LINGO2: variants seen among roughly 807,000 people sequenced by gnomAD.
LINGO2 encodes the protein leucine-rich repeat and immunoglobulin-like domain-containing nogo receptor-interacting protein 2.
LINGO2 carries 14 observed loss-of-function variants against 30.6 expected under a neutral mutation model. The observed-to-expected ratio is 0.46, with a 90% CI of 0.30 to 0.72. The LOEUF is 0.72. LINGO2 is among the 30% of genes least tolerant of loss of function. The probability of loss-of-function intolerance (pLI) is 0.07; values close to 1 mark genes in which losing one functional copy is unlikely to be tolerated. For missense variants in LINGO2, 729 were observed against 751.7 expected (o/e 0.97, Z 0.35); for synonymous variants, 317 against 288.5 (o/e 1.10, Z -1.00).
intron 3 of LINGO2, among the ~76,000 whole-genome samples, chr9:28,296,262 T>C (rs377356932): frequency 1.3e-5 from 2 of 152,326 alleles, no homozygotes; most frequent in South Asian, 2.1e-4. Flanking sequence ...ATCAGGATGA[T>C]ATTAATGAAC....
At chr9:29,080,655 A>G in the LINGO2 span, among the ~76,000 whole-genome samples, 3 of 151,970 alleles carry the variant, frequency 2.0e-5, no homozygotes, top group African/African-American at 4.8e-5. Flanking sequence ...CTTTGGTCTC[A>G]TTGGTTTCAA....
intron 2 of LINGO2, among the ~76,000 whole-genome samples, chr9:28,374,281 C>A (rs1821034759): frequency 6.6e-6 from 1 of 150,470 alleles, no homozygotes; most frequent in Admixed American, 6.6e-5. Flanking sequence ...AGCTATCAGA[C>A]ACTTAAAGTA....
At chr9:28,445,489 T>C (rs1218471677) in intron 2 of LINGO2, among the ~76,000 whole-genome samples, 3 of 152,230 alleles carry the variant, frequency 2.0e-5, no homozygotes, top group Admixed American at 6.5e-5. Flanking sequence ...GAAATAGCTA[T>C]GTACACAGTA....
chr9:27,958,940 C>T (rs28804391), intron 5 of LINGO2, among the ~76,000 whole-genome samples: 23,986 of 152,122 alleles, frequency 0.16, 4,515 homozygotes, highest in African/African-American at 0.44. Context: ...TGTTTGAATG[C>T]TGTAAAATAC....
At chr9:28,935,179 AAG>A in the LINGO2 span, among the ~76,000 whole-genome samples, 12 of 152,188 alleles carry the variant, frequency 7.9e-5, no homozygotes, top group Non-Finnish European at 1.6e-4. Flanking sequence ...ACAATAAAAA[AAG>A]AGACTAACAG....
chr9:28,590,430 A>G (rs141258164), intron 1 of LINGO2, among the ~76,000 whole-genome samples: 1,717 of 152,262 alleles, frequency 0.011, 14 homozygotes, highest in Middle Eastern at 0.02. Flanking sequence ...AATATCCAGA[A>G]TCTACAATGA....
intron 1 of LINGO2, among the ~76,000 whole-genome samples, chr9:28,599,747 C>T (rs775171427): frequency 6.6e-6 from 1 of 152,050 alleles, no homozygotes; most frequent in Non-Finnish European, 1.5e-5. Flanking sequence ...CTTTAATTCA[C>T]TATAAAAATG....
chr9:28,171,617 T>C (rs1370035018), intron 4 of LINGO2, among the ~76,000 whole-genome samples: 1 of 152,062 alleles, frequency 6.6e-6, no homozygotes, highest in African/African-American at 2.4e-5. Flanking sequence ...ATTGGGACTT[T>C]AGCTACCAAT....
At chr9:28,928,322 T>C in the LINGO2 span, among the ~76,000 whole-genome samples, 5 of 152,218 alleles carry the variant, frequency 3.3e-5, no homozygotes, top group African/African-American at 9.7e-5. Context: ...AATTCTTTTA[T>C]AGCTATCTAA....
At chr9:28,054,687 T>C (rs1191424965) in intron 4 of LINGO2, among the ~76,000 whole-genome samples, 3 of 152,014 alleles carry the variant, frequency 2.0e-5, no homozygotes, top group Non-Finnish European at 2.9e-5. Context: ...CTCCCCTAAT[T>C]CACAAAAAAT....
intron 1 of LINGO2, among the ~76,000 whole-genome samples, chr9:28,503,230 A>G (rs1343483530): frequency 6.6e-6 from 1 of 152,078 alleles, no homozygotes; most frequent in Admixed American, 6.6e-5. Context: ...AGAAAGCCAA[A>G]CAATGAATAC....
At chr9:28,519,139 T>G (rs1820736320) in intron 1 of LINGO2, among the ~76,000 whole-genome samples, 1 of 152,088 alleles carries the variant, frequency 6.6e-6, no homozygotes, top group South Asian at 2.1e-4. Flanking sequence ...CTCAAGTGAT[T>G]CTCCCATCTC....
chr9:29,083,133 C>T, the LINGO2 span, among the ~76,000 whole-genome samples: 5 of 152,090 alleles, frequency 3.3e-5, no homozygotes, highest in East Asian at 3.9e-4. Flanking sequence ...CACATGCACA[C>T]GTATGTTTAT....
At chr9:29,014,319 A>G in the LINGO2 span, among the ~76,000 whole-genome samples, 4 of 152,184 alleles carry the variant, frequency 2.6e-5, no homozygotes, top group African/African-American at 9.6e-5. Flanking sequence ...CTCAAAGTTA[A>G]CCATCATGGG....
At chr9:28,438,772 A>G (rs1177894783) in intron 2 of LINGO2, among the ~76,000 whole-genome samples, 1 of 150,444 alleles carries the variant, frequency 6.6e-6, no homozygotes, top group Non-Finnish European at 1.5e-5. Context: ...AAATTTCAGA[A>G]AGCCAGCTGT....
intron 4 of LINGO2, among the ~76,000 whole-genome samples, chr9:28,276,782 G>A (rs569921735): frequency 1.3e-5 from 2 of 152,066 alleles, no homozygotes; most frequent in Non-Finnish European, 2.9e-5. Context: ...GGGATAAAAT[G>A]CATCTATCCC....
chr9:27,972,541 C>A (rs1301679817), intron 5 of LINGO2, among the ~76,000 whole-genome samples: 5 of 152,278 alleles, frequency 3.3e-5, no homozygotes, highest in African/African-American at 1.2e-4. Context: ...TAGTGCTGAC[C>A]TTGACAGTGA....
At chr9:27,958,221 AT>A (rs1819673145) in intron 5 of LINGO2, among the ~76,000 whole-genome samples, 1 of 152,196 alleles carries the variant, frequency 6.6e-6, no homozygotes, top group Non-Finnish European at 1.5e-5. Context: ...GTTTTTCTCC[AT>A]TATTCTTTTA....
chr9:28,977,720 T>G, the LINGO2 span, among the ~76,000 whole-genome samples: 1 of 152,120 alleles, frequency 6.6e-6, no homozygotes, highest in Non-Finnish European at 1.5e-5. Context: ...AGATGGACAT[T>G]ACAGTTTAGT....
Sources: gnomAD v4.1 joint callset for allele counts (sites outside exome capture counted in the v4.1 genomes callset) on GRCh38, gnomAD v4.1.1 for gene constraint, MANE v1.5 for transcripts, NCBI Gene and HGNC (gene_info 2026-07-23, HGNC 2026-07-21) for gene names.